The following EPB41L2 variants were observed in gnomAD, a reference collection of about 807,000 sequenced individuals.
The protein encoded by EPB41L2 is band 4.1-like protein 2.
A neutral mutation model predicts 113.0 loss-of-function variants in EPB41L2; 43 were observed. The ratio of observed to expected loss-of-function variants is 0.38; its 90% CI spans 0.30 to 0.49. The LOEUF (loss-of-function observed/expected upper bound fraction) is 0.49. Among genes scored for constraint, EPB41L2 ranks in the 20% least tolerant of loss-of-function variants. The pLI is 0.95. For synonymous variants in EPB41L2, 442 were observed against 436.7 expected, an observed-to-expected ratio of 1.01 and a Z score of -0.15; for missense variants, 1,147 against 1,223.4, an observed-to-expected ratio of 0.94 and a Z score of 0.93.
At chr6:130,846,072 A>G (rs1776963339) in intron 19 of EPB41L2, among the ~76,000 whole-genome samples, 1 of 152,232 alleles carries the variant, frequency 6.6e-6, no homozygotes. Context: ...CTTGTTGCCA[A>G]TGATAAAATG....
At chr6:130,940,613 C>T (rs1486594430) in intron 3 of EPB41L2, among the ~76,000 whole-genome samples, 1 of 151,898 alleles carries the variant, frequency 6.6e-6, no homozygotes, top group Non-Finnish European at 1.5e-5. Flanking sequence ...CTACAGGTGC[C>T]CCCTCACCAT....
chr6:130,867,557 C>T lies in EPB41L2; in HGVS notation c.2632G>A (p.Val878Ile). Residue 878 changes from valine (V) to isoleucine (I), a missense_variant, in exon 16 of 20, where the codon GTA becomes ATA. Physicochemically the swap from Val to Ile is conservative, Grantham distance 29. Transcript: ENST00000337057. ...CTTTGTGAGGCATCAGAAATTGTTACCATCTCTGTTTTTACCACTGGTGGC... is the reference window on the plus strand; with the variant it reads ...CTTTGTGAGGCATCAGAAATTGTTATCATCTCTGTTTTTACCACTGGTGGC... Reference protein sequence around the residue: ...SEPPVVKTEMVTISDASQRTE... With the variant: ...SEPPVVKTEMITISDASQRTE... 2 of 1,613,824 alleles carry T rather than the reference C, an allele frequency of 1.2e-6. No homozygotes were observed. The highest frequency in any genetic ancestry group is 1.7e-6 in the Non-Finnish European group (2 of 1,179,846).
chr6:131,002,377 T>C (rs1209065138), intron 1 of EPB41L2, among the ~76,000 whole-genome samples: 1 of 152,138 alleles, frequency 6.6e-6, no homozygotes, highest in Admixed American at 6.5e-5. Flanking sequence ...GGAATGGCAA[T>C]ACAACAGCCT....
At chr6:130,969,823 T>C (rs1457729661) in intron 1 of EPB41L2, among the ~76,000 whole-genome samples, 3 of 152,214 alleles carry the variant, frequency 2.0e-5, no homozygotes, top group African/African-American at 7.2e-5. Flanking sequence ...GTCCTCACTG[T>C]GCTTCCAGAA....
In EPB41L2 at chr6:130,930,516, C is replaced by T. The variant is rs1174466993; in HGVS notation, c.706-3807G>A. On this transcript the variant is annotated intron_variant, in intron 3 of 19. Transcript: ENST00000337057. ...AATACAAAATATTTCTGGTCCCAAG[C>T]ATTTCAGATAAAAGATACTCAACCT... Among the ~76,000 whole-genome samples, 3 of 152,154 alleles carry T rather than the reference C, an allele frequency of 2.0e-5. No individual in the cohort carries two copies. In the East Asian group the frequency reaches 5.8e-4, roughly 29 times the overall value.
chr6:131,059,351 T>A (rs567241392), intron 1 of EPB41L2, among the ~76,000 whole-genome samples: 1 of 152,270 alleles, frequency 6.6e-6, no homozygotes, highest in African/African-American at 2.4e-5. Flanking sequence ...CCTGACCTCA[T>A]GATCCACCCG....
rs554746122 is a variant in EPB41L2 at position 130,889,783 on chromosome 6, C to G, written c.1660+511G>C. On this transcript the variant is annotated intron_variant, in intron 11 of 19. Transcript: ENST00000337057. Reference sequence around the variant, plus strand: ...TCAGTAAAACATATGTGTCCAACATCTCATAAATGAGAACTCTTAACAAAT... The same window carrying G: ...TCAGTAAAACATATGTGTCCAACATGTCATAAATGAGAACTCTTAACAAAT... 3.3e-5 allele frequency among the ~76,000 whole-genome samples: 5 copies of G among 152,312 alleles called. No homozygotes were observed. In the South Asian group the frequency reaches 1.0e-3, roughly 32 times the overall value.
At chr6:131,028,318 T>C (rs1397254197) in intron 1 of EPB41L2, among the ~76,000 whole-genome samples, 1 of 152,222 alleles carries the variant, frequency 6.6e-6, no homozygotes, top group Admixed American at 6.5e-5. Flanking sequence ...CTTCTGAGCC[T>C]ACCTGGCCAT....
intron 7 of EPB41L2, among the ~76,000 whole-genome samples, chr6:130,900,687 A>T (rs1796030949): frequency 6.6e-6 from 1 of 152,200 alleles, no homozygotes; most frequent in Non-Finnish European, 1.5e-5. Context: ...TGTATGTGTT[A>T]GGGGGATAGG....
chr6:130,936,021 T>C (rs747332280), intron 3 of EPB41L2, among the ~76,000 whole-genome samples: 37 of 152,224 alleles, frequency 2.4e-4, no homozygotes, highest in Non-Finnish European at 3.8e-4. Flanking sequence ...CCACAAATTT[T>C]ATACAAAAAA....
At chr6:130,873,887 C>A (rs1425113092) in intron 14 of EPB41L2, among the ~76,000 whole-genome samples, 1 of 151,980 alleles carries the variant, frequency 6.6e-6, no homozygotes, top group African/African-American at 2.4e-5. Flanking sequence ...TAGGCACTTG[C>A]AATATTCAGC....
intron 14 of EPB41L2, among the ~76,000 whole-genome samples, chr6:130,877,596 T>C (rs1787974258): frequency 1.3e-5 from 2 of 152,164 alleles, no homozygotes; most frequent in Non-Finnish European, 2.9e-5. Flanking sequence ...TATAAGGAAG[T>C]TTCAATACTA....
intron 3 of EPB41L2, among the ~76,000 whole-genome samples, chr6:130,947,137 C>CAT (rs555740253): frequency 1.5e-3 from 225 of 151,830 alleles, no homozygotes; most frequent in African/African-American, 5.3e-3. Context: ...ACCTCTGGTC[C>CAT]ATTACTAAGC....
At chr6:130,907,045 T>C (rs1240835959) in intron 5 of EPB41L2, among the ~76,000 whole-genome samples, 2 of 151,882 alleles carry the variant, frequency 1.3e-5, no homozygotes, top group African/African-American at 4.8e-5. Flanking sequence ...TTCCAAAAGT[T>C]AGGAAATCTC....
At chr6:130,932,444 C>A (rs892366475) in intron 3 of EPB41L2, among the ~76,000 whole-genome samples, 1 of 152,188 alleles carries the variant, frequency 6.6e-6, no homozygotes, top group Non-Finnish European at 1.5e-5. Flanking sequence ...TACCAGTACA[C>A]GTAGTTGCTT....
intron 1 of EPB41L2, among the ~76,000 whole-genome samples, chr6:130,972,141 T>A (rs1391532871): frequency 1.3e-5 from 2 of 152,054 alleles, no homozygotes; most frequent in Admixed American, 6.6e-5. Context: ...CTGGCCAACA[T>A]GGCAAAACCC....
chr6:130,960,351 T>C (rs572985038), intron 1 of EPB41L2, among the ~76,000 whole-genome samples: 2 of 152,358 alleles, frequency 1.3e-5, no homozygotes, highest in South Asian at 4.1e-4. Flanking sequence ...AAGAAATTTA[T>C]AGATGAATTT....
intron 1 of EPB41L2, among the ~76,000 whole-genome samples, chr6:131,042,887 T>C (rs2128185748): frequency 6.6e-6 from 1 of 152,340 alleles, no homozygotes; most frequent in Non-Finnish European, 1.5e-5. Flanking sequence ...AATTCTTGTG[T>C]AATCTGTATT....
rs528244054 is a variant in EPB41L2, at chr6:130,952,449, A to G, written c.705+2656T>C. ...GAAATACTATACAACAGTCTAAATG[A>G]ATAGATTTATATATCACAAAAAGAT... On this transcript the variant is annotated intron_variant, in intron 3 of 19. Transcript: ENST00000337057. Among the ~76,000 whole-genome samples, 19 of 152,086 alleles carry G rather than the reference A, an allele frequency of 1.2e-4. No homozygotes were observed. The South Asian group carries it at 3.5e-3, about 28-fold the overall frequency.
Sources: gnomAD v4.1 joint callset for allele counts (sites outside exome capture counted in the v4.1 genomes callset) on GRCh38, gnomAD v4.1.1 for gene constraint, MANE v1.5 for transcripts, NCBI Gene and HGNC (gene_info 2026-07-23, HGNC 2026-07-21) for gene names.